Variants in CLSTN2 observed in about 807,000 individuals in gnomAD.
The protein encoded by CLSTN2 is calsyntenin-2.
CLSTN2 carries 48 observed loss-of-function variants against 101.2 expected under a neutral mutation model. That is an observed-to-expected ratio of 0.47 (90% CI 0.38 to 0.60). The LOEUF is 0.60. Ranked by LOEUF, CLSTN2 falls within the 20% of genes least tolerant of loss-of-function variation. The pLI, the probability that CLSTN2 is intolerant of heterozygous loss-of-function variation, is 0.00. For synonymous variants in CLSTN2, 481 were observed against 463.6 expected (o/e 1.04, Z -0.48); for missense variants, 1,160 against 1,238.2 (o/e 0.94, Z 0.95).
chr3:140,356,063 C>T (rs2087667335), intron 2 of CLSTN2, among the ~76,000 whole-genome samples: 1 of 152,144 alleles, frequency 6.6e-6, no homozygotes, highest in South Asian at 2.1e-4. Flanking sequence ...GGTAGGGAGC[C>T]TTCCATTCTG....
chr3:140,430,047 C>G (rs2088613339), intron 5 of CLSTN2, among the ~76,000 whole-genome samples: 1 of 152,172 alleles, frequency 6.6e-6, no homozygotes, highest in Admixed American at 6.5e-5. Flanking sequence ...AACTGAGGAT[C>G]TGGCTTACAT....
chr3:140,209,752 G>C (rs920879134), intron 2 of CLSTN2, among the ~76,000 whole-genome samples: 1 of 152,168 alleles, frequency 6.6e-6, no homozygotes, highest in Non-Finnish European at 1.5e-5. Flanking sequence ...AGAAACTGGA[G>C]AGGACAAGTA....
chr3:140,448,772 T>C, intron 6 of CLSTN2, 68 bp downstream of exon 6: 12 of 1,340,602 alleles, frequency 9.0e-6, no homozygotes, highest in Non-Finnish European at 1.3e-5. Flanking sequence ...AAAAAGCATA[T>C]CTTATTGTCT....
chr3:140,044,494 C>T (rs2007828119), intron 1 of CLSTN2, among the ~76,000 whole-genome samples: 1 of 152,138 alleles, frequency 6.6e-6, no homozygotes, highest in Non-Finnish European at 1.5e-5. Context: ...ATTTGACTTC[C>T]TCTTTTCCTA....
At chr3:140,335,954 G>C (rs977012277) in intron 2 of CLSTN2, among the ~76,000 whole-genome samples, 6 of 152,104 alleles carry the variant, frequency 3.9e-5, no homozygotes, top group Admixed American at 1.3e-4. Context: ...CATAAAACTG[G>C]GGCTCCAAGC....
chr3:140,296,041 T>C lies in CLSTN2; in HGVS notation c.233-107588T>C, dbSNP rs528347072. 2.6e-5 allele frequency among the ~76,000 whole-genome samples: 4 copies of C among 152,356 alleles called. No individual in the cohort carries two copies. In the East Asian group the frequency reaches 5.8e-4, roughly 22 times the overall value. ...CTCTCAAACCCCTCCTGCTCTGATTTACAATATGGCCTTTATATCTGGATT... is the reference window on the plus strand; with the variant it reads ...CTCTCAAACCCCTCCTGCTCTGATTCACAATATGGCCTTTATATCTGGATT... On this transcript the variant is annotated intron_variant, in intron 2 of 16. Coordinates refer to ENST00000458420, the MANE Select transcript of CLSTN2 (RefSeq NM_022131.3).
chr3:140,552,735 T>C (rs746710445), intron 10 of CLSTN2, among the ~76,000 whole-genome samples: 8 of 152,176 alleles, frequency 5.3e-5, no homozygotes, highest in Non-Finnish European at 1.0e-4. Flanking sequence ...ATGCTTTCGA[T>C]GTGCTAGACC....
chr3:140,488,984 A>G (rs1934290437), intron 8 of CLSTN2, among the ~76,000 whole-genome samples: 1 of 152,240 alleles, frequency 6.6e-6, no homozygotes, highest in Non-Finnish European at 1.5e-5. Flanking sequence ...AATTGCAAGG[A>G]AAAGAAAACA....
chr3:140,163,088 ATGTCAAAT>A (rs1451890170), intron 1 of CLSTN2, among the ~76,000 whole-genome samples: 1 of 152,186 alleles, frequency 6.6e-6, no homozygotes, highest in East Asian at 1.9e-4. Flanking sequence ...AGTTTGTGAT[ATGTCAAAT>A]TGTCTGGGCT....
intron 1 of CLSTN2, among the ~76,000 whole-genome samples, chr3:140,159,035 T>G (rs2010004132): frequency 6.6e-6 from 1 of 152,170 alleles, no homozygotes. Context: ...TAACTCAAAT[T>G]GGATTAAAGA....
At chr3:140,283,125 TAA>T (rs1243694831) in intron 2 of CLSTN2, among the ~76,000 whole-genome samples, 2 of 152,226 alleles carry the variant, frequency 1.3e-5, no homozygotes, top group Admixed American at 1.3e-4. Flanking sequence ...ATTTCTCTTT[TAA>T]AAAAATAATA....
chr3:140,309,270 G>T (rs1255207242), intron 2 of CLSTN2, among the ~76,000 whole-genome samples: 1 of 152,170 alleles, frequency 6.6e-6, no homozygotes, highest in East Asian at 1.9e-4. Context: ...GGAAGGCCAA[G>T]TAGGACATGT....
At chr3:140,465,036 A>G (rs532978095) in intron 7 of CLSTN2, among the ~76,000 whole-genome samples, 1 of 152,368 alleles carries the variant, frequency 6.6e-6, no homozygotes, top group Admixed American at 6.5e-5. Context: ...GGGCAGATGC[A>G]TTCCACACAT....
chr3:140,275,600 A>C (rs1008732785), intron 2 of CLSTN2, among the ~76,000 whole-genome samples: 3 of 152,082 alleles, frequency 2.0e-5, no homozygotes, highest in African/African-American at 7.2e-5. Flanking sequence ...CATTTACAAG[A>C]ACCTGCATCT....
At chr3:140,169,989 C>T (rs1386919857) in intron 1 of CLSTN2, among the ~76,000 whole-genome samples, 1 of 152,060 alleles carries the variant, frequency 6.6e-6, no homozygotes, top group African/African-American at 2.4e-5. Context: ...GATTTACAAG[C>T]TATAACATAA....
intron 4 of CLSTN2, among the ~76,000 whole-genome samples, chr3:140,406,206 T>G (rs918823741): frequency 3.9e-5 from 6 of 152,170 alleles, no homozygotes; most frequent in African/African-American, 1.4e-4. Context: ...TTCATGATGT[T>G]GAGACCAGGT....
In CLSTN2 at chr3:140,102,165, G is replaced by A. The variant is rs558111925; in HGVS notation, c.110-73786G>A. On this transcript the variant is annotated intron_variant, in intron 1 of 16. Transcript: ENST00000458420. ...CCTATAAACTGCTGTCTACAGTTGG[G>A]CCAATCATTCGTGATAAGGAAGGAC... Among the ~76,000 whole-genome samples, 31 of 152,266 alleles carry A rather than the reference G, an allele frequency of 2.0e-4. 1 individual carries two copies. The South Asian group carries it at 6.2e-3, about 31-fold the overall frequency.
intron 1 of CLSTN2, 50 bp from the exon 2 acceptor site, chr3:140,175,901 T>G (rs2010315768): frequency 1.3e-6 from 2 of 1,551,126 alleles, no homozygotes; most frequent in Non-Finnish European, 1.8e-6. Flanking sequence ...TTATTATGGG[T>G]TTGTTATTTA....
intron 2 of CLSTN2, among the ~76,000 whole-genome samples, chr3:140,381,639 G>A (rs561370945): frequency 2.0e-5 from 3 of 152,280 alleles, no homozygotes; most frequent in African/African-American, 4.8e-5. Flanking sequence ...AGATTGTCTG[G>A]CTTTAACCAA....
Sources: gnomAD v4.1 joint callset for allele counts (sites outside exome capture counted in the v4.1 genomes callset) on GRCh38, gnomAD v4.1.1 for gene constraint, MANE v1.5 for transcripts, NCBI Gene and HGNC (gene_info 2026-07-23, HGNC 2026-07-21) for gene names.